The following PROKR1 variants were observed in gnomAD, a reference collection of about 807,000 sequenced individuals.
PROKR1 encodes prokineticin receptor 1, also known as G protein-coupled receptor 73.
PROKR1 carries 21 observed loss-of-function variants against 22.8 expected under a neutral mutation model. That is an observed-to-expected ratio of 0.92 (90% confidence interval 0.65 to 1.32). The LOEUF (loss-of-function observed/expected upper bound fraction) is 1.32, where lower values mean the gene tolerates loss of function less well. Ranked by LOEUF, PROKR1 falls within the 40% of genes most tolerant of loss-of-function variation. The pLI, the probability that PROKR1 is intolerant of heterozygous loss-of-function variation, is 0.00. For synonymous variants in PROKR1, 193 were observed against 207.5 expected, an observed-to-expected ratio of 0.93 and a Z score of 0.60; for missense variants, 548 against 514.2, an observed-to-expected ratio of 1.07 and a Z score of -0.64.
At position 68,655,156 on chromosome 2, in the gene PROKR1, G is replaced by T; in HGVS notation, c.762G>T (p.Arg254Ser). The T allele has an allele frequency of 1.2e-6, 2 of 1,614,222 alleles. No homozygotes were observed. Among genetic ancestry groups the T allele is most frequent in the Non-Finnish European group, 1.7e-6 (2 of 1,180,044 alleles). Reference protein sequence around the residue: ...PVVTMTLCYARISRELWFKAV... With the variant: ...PVVTMTLCYASISRELWFKAV... ...TCACCATGACCCTGTGCTATGCCAG[G>T]ATCTCCCGGGAGCTCTGGTTCAAGG... The change falls in exon 3 of 3, where the codon AGG becomes AGT. Residue 254 changes from arginine (R) to serine (S), a missense_variant. Arg to Ser is a moderately radical substitution (Grantham distance 110). Transcript: ENST00000303786.
intron 2 of PROKR1, among the ~76,000 whole-genome samples, chr2:68,649,764 A>G (rs1172535444): frequency 6.6e-6 from 1 of 152,136 alleles, no homozygotes; most frequent in African/African-American, 2.4e-5. Flanking sequence ...ACAGGGGGAA[A>G]GAGCCTGCCT....
chr2:68,648,320 C>T (rs906523292), intron 2 of PROKR1, among the ~76,000 whole-genome samples: 11 of 152,238 alleles, frequency 7.2e-5, no homozygotes, highest in African/African-American at 2.7e-4. Flanking sequence ...TACTGAACTT[C>T]TTCAAGCTTA....
rs755176566 is a variant in PROKR1 at position 68,646,262 on chromosome 2, T to A, written c.441T>A (p.Ser147=). The change falls in exon 2 of 3, where the codon TCT becomes TCA. Residue 147 remains serine (S), a synonymous_variant. Coordinates refer to ENST00000303786, the MANE Select transcript of PROKR1 (RefSeq NM_138964.4). ...CTSVNYLRTV[S]LYVSTNALLA... ...CTGTCAACTACCTGCGCACTGTCTC[T>A]CTCTATGTCTCCACCAATGCCCTGC... The A allele has an allele frequency of 2.5e-6, 4 of 1,614,184 alleles. No homozygotes were observed. In the South Asian group the frequency reaches 4.4e-5, roughly 18 times the overall value.
intron 1 of PROKR1, among the ~76,000 whole-genome samples, chr2:68,644,806 C>T (rs1673138881): frequency 6.6e-6 from 1 of 152,128 alleles, no homozygotes; most frequent in African/African-American, 2.4e-5. Flanking sequence ...TGGCTGCCTC[C>T]CTGTCCCCAC....
chr2:68,655,480 G>A lies in PROKR1; in HGVS notation c.1086G>A (p.Lys362=). Reference sequence around the variant, plus strand: ...AAAAGATCATGTTGCTCCACTGGAAGGCTTCTTACAATGGCGGTAAGTCCA... The same window carrying A: ...AAAAGATCATGTTGCTCCACTGGAAAGCTTCTTACAATGGCGGTAAGTCCA... ...YFKKIMLLHW[K]ASYNGGKSSA... is the part of the protein sequence containing the mutation. Residue 362 remains lysine (K), a synonymous_variant, in exon 3 of 3, where the codon AAG becomes AAA. Coordinates refer to ENST00000303786, the MANE Select transcript of PROKR1 (RefSeq NM_138964.4). 6.2e-7 allele frequency: 1 copy of A among 1,614,222 alleles called. No homozygotes were observed. Among genetic ancestry groups the A allele is most frequent in the Non-Finnish European group, 8.5e-7 (1 of 1,180,036 alleles).
At chr2:68,650,122 C>T (rs192424642) in intron 2 of PROKR1, among the ~76,000 whole-genome samples, 1,867 of 150,310 alleles carry the variant, frequency 0.012, 47 homozygotes, top group African/African-American at 0.043. Context: ...TGCTAGATGA[C>T]GAGTTAGTGG....
rs143892402 is a variant in PROKR1, at chr2:68,655,310, G to A, written c.916G>A (p.Val306Met). 9.9e-6 allele frequency: 16 copies of A among 1,614,212 alleles called. No homozygotes were observed. The South Asian group carries it at 1.6e-4, about 17-fold the overall frequency. Residue 306 changes from valine (V) to methionine (M), a missense_variant, in exon 3 of 3, where the codon GTG (valine) becomes ATG (methionine). By Grantham distance (21) the Val-to-Met change is conservative. Transcript: ENST00000303786. Reference sequence around the variant, plus strand: ...GGCGCCCTTCTACGGCTTCACCATCGTGCGCGACTTCTTCCCCACCGTGTT... The same window carrying A: ...GGCGCCCTTCTACGGCTTCACCATCATGCGCGACTTCTTCCCCACCGTGTT... ...CWAPFYGFTI[V>M]RDFFPTVFVK...
chr2:68,651,326 G>A (rs1349549469), intron 2 of PROKR1, among the ~76,000 whole-genome samples: 1 of 152,158 alleles, frequency 6.6e-6, no homozygotes, highest in Admixed American at 6.5e-5. Context: ...TCATGCCACT[G>A]CACTCCAGCC....
rs13011904 is a variant in PROKR1 at position 68,655,651 on chromosome 2, A to C, written c.*75A>C. 42,556 of 1,429,336 alleles carry C rather than the reference A, an allele frequency of 0.03. 793 individuals carry two copies. The highest frequency in any genetic ancestry group is 0.074 in the Middle Eastern group (311 of 4,214). 88.5% of individuals were successfully genotyped at this position (1,429,336 alleles called of 1,614,324 possible). Reference sequence around the variant, plus strand: ...TGACTAGTGTGCTTGGATGCACATCAACCTGGAACTTTTTGTTTGCTGCAG... The same window carrying C: ...TGACTAGTGTGCTTGGATGCACATCCACCTGGAACTTTTTGTTTGCTGCAG... On this transcript the variant is annotated 3_prime_UTR_variant, in exon 3 of 3. Transcript: ENST00000303786.
At chr2:68,647,681 C>T (rs991138598) in intron 2 of PROKR1, among the ~76,000 whole-genome samples, 3 of 147,508 alleles carry the variant, frequency 2.0e-5, no homozygotes, top group African/African-American at 8.1e-5. Flanking sequence ...GGGGTGGAAA[C>T]TCTGCCTCCC....
rs761035263 is a variant in PROKR1 at position 68,645,962 on chromosome 2, T to A, written c.141T>A (p.Asp47Glu). The A allele has an allele frequency of 6.2e-7, 1 of 1,614,128 alleles. No homozygotes were observed. Among genetic ancestry groups the A allele is most frequent in the African/African-American group, 1.3e-5 (1 of 74,938 alleles). ...FSYSDYDMPLDEDEDVTNSRT... is the reference protein window; with the variant it reads ...FSYSDYDMPLEEDEDVTNSRT... Reference sequence around the variant, plus strand: ...ACAGCGACTATGATATGCCTTTGGATGAAGATGAGGATGTGACCAATTCCA... The same window carrying A: ...ACAGCGACTATGATATGCCTTTGGAAGAAGATGAGGATGTGACCAATTCCA... Residue 47 changes from aspartate to glutamate, a missense_variant, in exon 2 of 3, where the codon GAT (aspartate) becomes GAA (glutamate). Transcript: ENST00000303786.
chr2:68,655,481 G>A lies in PROKR1; in HGVS notation c.1087G>A (p.Ala363Thr), dbSNP rs536439415. The A allele has an allele frequency of 1.2e-6, 2 of 1,614,170 alleles. No individual in the cohort carries two copies. Among genetic ancestry groups the A allele is most frequent in the Admixed American group, 1.7e-5 (1 of 60,008 alleles). The change falls in exon 3 of 3, where the codon GCT (alanine) becomes ACT (threonine). Residue 363 changes from alanine to threonine, a missense_variant. Physicochemically the swap from Ala to Thr is moderately conservative, Grantham distance 58. Transcript: ENST00000303786. ...AAAGATCATGTTGCTCCACTGGAAG[G>A]CTTCTTACAATGGCGGTAAGTCCAG... ...FKKIMLLHWK[A>T]SYNGGKSSAD... is the part of the protein sequence containing the mutation.
intron 2 of PROKR1, among the ~76,000 whole-genome samples, chr2:68,646,657 G>C (rs1673186553): frequency 6.6e-6 from 1 of 152,174 alleles, no homozygotes; most frequent in Admixed American, 6.5e-5. Flanking sequence ...TACCTCTTGA[G>C]TCAATGTGGA....
At chr2:68,643,949 C>G (rs1340911783) in intron 1 of PROKR1, 101 bp downstream of exon 1, 1 of 152,376 alleles carries the variant, frequency 6.6e-6, no homozygotes, top group Non-Finnish European at 1.5e-5. Flanking sequence ...GGGGACTTTG[C>G]CAGGGATTCA....
At position 68,645,699 on chromosome 2, in the gene PROKR1, C is replaced by A; in HGVS notation, c.-123C>A. The A allele has an allele frequency of 7.4e-7, 1 of 1,348,490 alleles. No individual in the cohort carries two copies. The highest frequency in any genetic ancestry group is 1.0e-6 in the Non-Finnish European group (1 of 953,564). The allele number at this position is 1,348,490 out of a possible 1,614,324, so 83.5% of individuals were successfully genotyped here. A position where few individuals can be genotyped will look rare whatever the true frequency, so the allele number is the denominator to read the frequency against. ...GCTCAGATACCATACCCCAAAGATG[C>A]TGGCAGAGACATTCTGACTCATTAA... On this transcript the variant is annotated 5_prime_UTR_variant, in exon 2 of 3. In the 5' UTR this introduces an upstream ATG that the reference lacks. Coordinates refer to ENST00000303786, the MANE Select transcript of PROKR1 (RefSeq NM_138964.4).
chr2:68,654,730 C>T (rs1360464188), intron 2 of PROKR1, 150 bp from the exon 3 acceptor site: 7 of 744,728 alleles, frequency 9.4e-6, no homozygotes, highest in African/African-American at 1.8e-5. Context: ...CCTAGGAGTT[C>T]GAGGCTGCAG....
rs1057085480 is a variant in PROKR1, at chr2:68,657,667, C to T, written c.*2091C>T. 7.0e-6 allele frequency: 1 copy of T among 142,630 alleles called. No individual in the cohort carries two copies. The highest frequency in any genetic ancestry group is 1.5e-5 in the Non-Finnish European group (1 of 66,464). The allele number at this position is 142,630 out of a possible 1,614,324, so 8.8% of individuals were successfully genotyped here. A position where few individuals can be genotyped will look rare whatever the true frequency, so the allele number is the denominator to read the frequency against. On this transcript the variant is annotated 3_prime_UTR_variant, in exon 3 of 3. Coordinates refer to ENST00000303786, the MANE Select transcript of PROKR1 (RefSeq NM_138964.4). Reference sequence around the variant, plus strand: ...GTGGACTTGTCTTTTTCTTATTTAACTCTAGAGCAGCGCACTTACAAGGTT... The same window carrying T: ...GTGGACTTGTCTTTTTCTTATTTAATTCTAGAGCAGCGCACTTACAAGGTT...
At chr2:68,645,637 C>G in intron 1 of PROKR1, 25 bp from the exon 2 acceptor site, 1 of 842,628 alleles carries the variant, frequency 1.2e-6, no homozygotes, top group Non-Finnish European at 1.8e-6. Flanking sequence ...CAACATATAG[C>G]CAACTGTTTG....
chr2:68,646,162 T>A lies in PROKR1; in HGVS notation c.341T>A (p.Val114Asp). 6.2e-7 allele frequency: 1 copy of A among 1,608,124 alleles called. No individual in the cohort carries two copies. The highest frequency in any genetic ancestry group is 8.5e-7 in the Non-Finnish European group (1 of 1,176,242). ...ATCTCTGACTTCCTGGTGGCCATTG[T>A]CTGCTGCCCCTTTGAGATGGACTAC... ...LAISDFLVAI[V>D]CCPFEMDYYV... The change falls in exon 2 of 3, where the codon GTC becomes GAC. Residue 114 changes from valine to aspartate, a missense_variant. Val to Asp is a radical substitution (Grantham distance 152). Transcript: ENST00000303786.
Sources: allele counts gnomAD v4.1 joint callset (sites outside exome capture counted in the v4.1 genomes callset), GRCh38; gene constraint gnomAD v4.1.1; transcripts MANE v1.5; gene names NCBI Gene and HGNC (gene_info 2026-07-23, HGNC 2026-07-21).